ACBD6: variants seen among roughly 807,000 people sequenced by gnomAD.
ACBD6 encodes acyl-CoA-binding domain-containing protein 6.
In ACBD6, 28 loss-of-function variants were observed where a neutral mutation model predicts 37.2. The ratio of observed to expected loss-of-function variants is 0.75; its 90% CI spans 0.56 to 1.03. The LOEUF (loss-of-function observed/expected upper bound fraction) is 1.03. ACBD6 is among the 50% of genes least tolerant of loss of function. ACBD6 has a pLI of 0.00. For synonymous variants in ACBD6, 113 were observed against 126.8 expected (o/e 0.89, Z 0.73); for missense variants, 340 against 337.4 (o/e 1.01, Z -0.06).
intron 7 of ACBD6, among the ~76,000 whole-genome samples, chr1:180,304,910 G>C (rs1056065714): frequency 6.6e-6 from 1 of 151,998 alleles, no homozygotes; most frequent in African/African-American, 2.4e-5. Flanking sequence ...CAGAGATATA[G>C]ACCAATGGTA....
At chr1:180,498,350 C>T (rs935175864) in intron 1 of ACBD6, among the ~76,000 whole-genome samples, 14 of 152,258 alleles carry the variant, frequency 9.2e-5, no homozygotes, top group Admixed American at 5.9e-4. Context: ...AAACTACCTG[C>T]CAAATACCCA....
chr1:180,339,908 A>G (rs1230069194), intron 6 of ACBD6, among the ~76,000 whole-genome samples: 1 of 152,048 alleles, frequency 6.6e-6, no homozygotes, highest in Non-Finnish European at 1.5e-5. Flanking sequence ...TATCAACTTA[A>G]AATAAGGAAG....
chr1:180,500,188 AACAAAT>A (rs1651902063), intron 1 of ACBD6, among the ~76,000 whole-genome samples: 1 of 151,824 alleles, frequency 6.6e-6, no homozygotes. Context: ...TTTTTCCTTT[AACAAAT>A]ACAGGGGAAA....
chr1:180,328,612 A>G (rs982590133), intron 6 of ACBD6, among the ~76,000 whole-genome samples: 2 of 152,140 alleles, frequency 1.3e-5, no homozygotes, highest in Non-Finnish European at 2.9e-5. Flanking sequence ...AATTTTATTT[A>G]AAAAACAGTG....
At chr1:180,336,953 C>A (rs1651746438) in intron 6 of ACBD6, among the ~76,000 whole-genome samples, 1 of 151,964 alleles carries the variant, frequency 6.6e-6, no homozygotes, top group Non-Finnish European at 1.5e-5. Flanking sequence ...AAGACTAAAC[C>A]AGGAAGAAGT....
chr1:180,413,453 T>C lies in ACBD6; in HGVS notation c.486A>G (p.Ile162Met), dbSNP rs775327152. 4 of 1,612,418 alleles carry C rather than the reference T, an allele frequency of 2.5e-6. No homozygotes were observed. The highest frequency in any genetic ancestry group is 3.4e-6 in the Non-Finnish European group (4 of 1,179,450). Reference protein sequence around the residue: ...EETIREEDKNIFDYCRENNID... With the variant: ...EETIREEDKNMFDYCRENNID... ...TGTTGTTTTCCCTGCAGTAATCAAA[T>C]ATATTTTTGTCTTCTTCCCTAGAAT... The change falls in exon 5 of 8, where the codon ATA becomes ATG. Residue 162 changes from isoleucine (I) to methionine (M), a missense_variant. Coordinates refer to ENST00000367595, the MANE Select transcript of ACBD6 (RefSeq NM_032360.4).
chr1:180,358,444 CAACAAAA>C (rs1652712699), intron 6 of ACBD6, among the ~76,000 whole-genome samples: 1 of 14,714 alleles, frequency 6.8e-5, no homozygotes, highest in East Asian at 5.8e-3. Flanking sequence ...ACAACAACAA[CAACAAAA>C]AAAAAAAACC....
intron 4 of ACBD6, among the ~76,000 whole-genome samples, chr1:180,414,304 T>C (rs1647988456): frequency 6.6e-6 from 1 of 152,180 alleles, no homozygotes; most frequent in African/African-American, 2.4e-5. Flanking sequence ...TATGAACAAG[T>C]ATAAAGGAAT....
intron 3 of ACBD6, among the ~76,000 whole-genome samples, chr1:180,491,225 T>C (rs906265755): frequency 1.8e-4 from 27 of 152,310 alleles, no homozygotes; most frequent in African/African-American, 6.3e-4. Flanking sequence ...GAAAATTGTT[T>C]AATTCATTAA....
At chr1:180,281,721 T>C (rs1036701022) in intron 8 of ACBD6, among the ~76,000 whole-genome samples, 1 of 151,898 alleles carries the variant, frequency 6.6e-6, no homozygotes, top group African/African-American at 2.4e-5. Context: ...GGGAAGTACA[T>C]AGTTCAGCCA....
intron 6 of ACBD6, among the ~76,000 whole-genome samples, chr1:180,397,205 A>G (rs1654290759): frequency 6.6e-6 from 1 of 152,238 alleles, no homozygotes; most frequent in Non-Finnish European, 1.5e-5. Context: ...AAATTTTAAG[A>G]TTCCCATTTA....
At chr1:180,402,030 C>A (rs758810962) in intron 5 of ACBD6, among the ~76,000 whole-genome samples, 48 of 152,064 alleles carry the variant, frequency 3.2e-4, no homozygotes, top group Non-Finnish European at 6.2e-4. Flanking sequence ...TGAAATACTG[C>A]AAACAGGTAG....
At chr1:180,271,447 G>A (rs951405837) in exon 14 of ACBD6, 1 of 1,614,064 alleles carries the variant, frequency 6.2e-7, no homozygotes, top group Non-Finnish European at 8.5e-7. Context: ...AGACATTAAA[G>A]AATGCATACA....
chr1:180,367,933 T>C (rs535861291), intron 6 of ACBD6, among the ~76,000 whole-genome samples: 7 of 152,350 alleles, frequency 4.6e-5, no homozygotes, highest in Non-Finnish European at 1.0e-4. Flanking sequence ...GGTTGAATGG[T>C]AGTTCTGCTT....
intron 3 of ACBD6, among the ~76,000 whole-genome samples, chr1:180,471,995 C>T (rs547120328): frequency 5.3e-5 from 8 of 152,278 alleles, no homozygotes; most frequent in Non-Finnish European, 8.8e-5. Flanking sequence ...CACATGCATG[C>T]AGATATTTAT....
intron 6 of ACBD6, among the ~76,000 whole-genome samples, chr1:180,314,979 T>C (rs928829498): frequency 1.3e-5 from 2 of 152,170 alleles, no homozygotes; most frequent in Non-Finnish European, 2.9e-5. Flanking sequence ...TATCTGCAGG[T>C]AATAATCCAA....
chr1:180,322,815 T>A (rs1031359305), intron 6 of ACBD6, among the ~76,000 whole-genome samples: 8 of 151,698 alleles, frequency 5.3e-5, no homozygotes, highest in Non-Finnish European at 1.2e-4. Context: ...TTCATTTTGA[T>A]GACTGTATTC....
intron 8 of ACBD6, among the ~76,000 whole-genome samples, chr1:180,281,777 A>T (rs549704272): frequency 9.2e-5 from 14 of 152,200 alleles, no homozygotes; most frequent in African/African-American, 3.1e-4. Context: ...AAAAAAATCA[A>T]TGTTTATAAA....
At chr1:180,381,320 G>A (rs954793489) in intron 6 of ACBD6, among the ~76,000 whole-genome samples, 1 of 152,088 alleles carries the variant, frequency 6.6e-6, no homozygotes, top group Non-Finnish European at 1.5e-5. Flanking sequence ...TAGACAGAAA[G>A]TCAACAAAGA....
Sources: gnomAD v4.1 joint callset for allele counts (sites outside exome capture counted in the v4.1 genomes callset) on GRCh38, gnomAD v4.1.1 for gene constraint, MANE v1.5 for transcripts, NCBI Gene and HGNC (gene_info 2026-07-23, HGNC 2026-07-21) for gene names.